Variants in ALK observed in about 807,000 individuals in gnomAD.
The protein encoded by ALK is ALK receptor tyrosine kinase, also known as ALK tyrosine kinase receptor.
ALK carries 74 observed loss-of-function variants against 163.1 expected under a neutral mutation model. The ratio of observed to expected loss-of-function variants is 0.45; its 90% CI spans 0.38 to 0.55. The LOEUF is 0.55. Among genes scored for constraint, ALK ranks in the 20% least tolerant of loss-of-function variants. The pLI is 0.00. For missense variants in ALK, 2,063 were observed against 2,105.3 expected, an observed-to-expected ratio of 0.98 and a Z score of 0.39; for synonymous variants, 960 against 843.2, an observed-to-expected ratio of 1.14 and a Z score of -2.40.
At chr2:29,407,879 TG>T (rs1669624758) in intron 4 of ALK, among the ~76,000 whole-genome samples, 1 of 152,162 alleles carries the variant, frequency 6.6e-6, no homozygotes, top group East Asian at 1.9e-4. Context: ...ACCTCATCTC[TG>T]GGTGAGTGTG....
At chr2:29,551,767 C>T (rs948741873) in intron 3 of ALK, among the ~76,000 whole-genome samples, 3 of 152,096 alleles carry the variant, frequency 2.0e-5, no homozygotes, top group Non-Finnish European at 4.4e-5. Flanking sequence ...AAATGGGTAA[C>T]TCTGGAGGTT....
Position 29,223,415 on chromosome 2 carries a change from A to G in ALK, c.3286T>C (p.Tyr1096His). The change falls in exon 20 of 29, where the codon TAC becomes CAC. Residue 1096 changes from tyrosine to histidine, a missense_variant. Tyr to His is a moderately conservative substitution (Grantham distance 83). Transcript: ENST00000389048. ...STIMTDYNPN[Y>H]CFAGKTSSIS... ...GAGGAGGTCTTGCCAGCAAAGCAGT[A>G]GTTGGGGTTGTAGTCGGTCATGATG... 1 of 1,614,156 alleles carries G rather than the reference A, an allele frequency of 6.2e-7. No homozygotes were observed. Among genetic ancestry groups the G allele is most frequent in the Non-Finnish European group, 8.5e-7 (1 of 1,180,034 alleles).
chr2:29,416,978 G>GTTT, intron 4 of ALK, among the ~76,000 whole-genome samples: 1 of 116,018 alleles, frequency 8.6e-6, no homozygotes, highest in Non-Finnish European at 1.8e-5. Flanking sequence ...GATGTTTGAT[G>GTTT]CTTTTTTTTT....
intron 3 of ALK, among the ~76,000 whole-genome samples, chr2:29,667,920 C>T (rs1677567818): frequency 1.3e-5 from 2 of 152,088 alleles, no homozygotes; most frequent in African/African-American, 2.4e-5. Flanking sequence ...TGGTCCTGGG[C>T]TTTTCTTTGA....
intron 12 of ALK, among the ~76,000 whole-genome samples, chr2:29,244,847 C>A (rs904780945): frequency 6.6e-6 from 1 of 152,264 alleles, no homozygotes; most frequent in Non-Finnish European, 1.5e-5. Context: ...TTGTCTAGAA[C>A]CTGACTGGCA....
In ALK at chr2:29,197,542, A is replaced by G. The variant is rs766432369; in HGVS notation, c.4073T>C (p.Val1358Ala). Reference sequence around the variant, plus strand: ...AGAAGTGTTCCTAAAAGAGTCATACACAGGCCCAGGGCAGTTCTTGGGTGG... The same window carrying G: ...AGAAGTGTTCCTAAAAGAGTCATACGCAGGCCCAGGGCAGTTCTTGGGTGG... ...MDPPKNCPGP[V>A]YRIMTQCWQH... The change falls in exon 27 of 29, where the codon GTA becomes GCA. Residue 1358 changes from valine to alanine, a missense_variant and splice_region_variant. Val to Ala is a moderately conservative substitution (Grantham distance 64). Coordinates refer to ENST00000389048, the MANE Select transcript of ALK (RefSeq NM_004304.5). The G allele has an allele frequency of 2.1e-5, 34 of 1,613,404 alleles. No homozygotes were observed. Among genetic ancestry groups the G allele is most frequent in the Non-Finnish European group, 2.5e-6 (3 of 1,180,044 alleles).
intron 4 of ALK, among the ~76,000 whole-genome samples, chr2:29,443,415 G>A (rs1573358607): frequency 6.6e-6 from 1 of 152,170 alleles, no homozygotes; most frequent in African/African-American, 2.4e-5. Flanking sequence ...TTCTGCTGCC[G>A]CCCAGGAGTG....
At chr2:29,740,457 G>A (rs1426936820) in intron 1 of ALK, among the ~76,000 whole-genome samples, 1 of 152,160 alleles carries the variant, frequency 6.6e-6, no homozygotes, top group Non-Finnish European at 1.5e-5. Context: ...CAGACAGACA[G>A]AAAAACATGG....
intron 4 of ALK, among the ~76,000 whole-genome samples, chr2:29,464,904 C>G (rs910130457): frequency 6.6e-6 from 1 of 151,974 alleles, no homozygotes; most frequent in Non-Finnish European, 1.5e-5. Context: ...AGAAACCATC[C>G]AAAATGAAGC....
intron 3 of ALK, among the ~76,000 whole-genome samples, chr2:29,660,563 A>G (rs921726757): frequency 6.6e-6 from 1 of 151,894 alleles, no homozygotes; most frequent in African/African-American, 2.4e-5. Context: ...GGGTGTGATG[A>G]GAAAGAAAAG....
At chr2:29,749,752 G>A (rs890492942) in intron 1 of ALK, among the ~76,000 whole-genome samples, 9 of 147,952 alleles carry the variant, frequency 6.1e-5, no homozygotes, top group Admixed American at 3.3e-4. Flanking sequence ...CAGTTTAGCC[G>A]AACAGCTTAT....
At position 29,538,791 on chromosome 2, in the gene ALK, A is replaced by G. The variant is rs1421806560; in HGVS notation, c.953-6675T>C. On this transcript the variant is annotated intron_variant, in intron 3 of 28. Coordinates refer to ENST00000389048, the MANE Select transcript of ALK (RefSeq NM_004304.5). ...TGCCTTCATAATTCTAAATATTATAATCATAGTTTTCCTTGCAGGTGTGAC... is the reference window on the plus strand; with the variant it reads ...TGCCTTCATAATTCTAAATATTATAGTCATAGTTTTCCTTGCAGGTGTGAC... Among the ~76,000 whole-genome samples, 19 of 152,184 alleles carry G rather than the reference A, an allele frequency of 1.2e-4. 1 individual carries two copies. The highest frequency in any genetic ancestry group is 2.9e-5 in the Non-Finnish European group (2 of 68,038).
chr2:29,212,107 G>T (rs1669481692), intron 24 of ALK, among the ~76,000 whole-genome samples: 1 of 152,260 alleles, frequency 6.6e-6, no homozygotes, highest in East Asian at 1.9e-4. Flanking sequence ...CGTGGGCAGA[G>T]ATAAAAAACA....
In ALK at chr2:29,919,980, G is replaced by A. The variant is rs762116831; in HGVS notation, c.667+13C>T. On this transcript the variant is annotated intron_variant, in intron 1 of 28. Transcript: ENST00000389048. Reference sequence around the variant, plus strand: ...ACACTAAATCCCGGCACACTCAGGCGGGAGCTGCTCACCAGTCCCGAAGAT... The same window carrying A: ...ACACTAAATCCCGGCACACTCAGGCAGGAGCTGCTCACCAGTCCCGAAGAT... The A allele has an allele frequency of 6.8e-6, 11 of 1,612,378 alleles. No homozygotes were observed. Among genetic ancestry groups the A allele is most frequent in the Admixed American group, 6.7e-5 (4 of 60,014 alleles).
At chr2:29,893,396 A>G (rs112035230) in intron 1 of ALK, among the ~76,000 whole-genome samples, 1,612 of 152,190 alleles carry the variant, frequency 0.011, 20 homozygotes, top group Non-Finnish European at 0.018. Context: ...CCAGCTCCCA[A>G]TTCATTCCAT....
At chr2:29,268,528 G>A (rs1665298136) in intron 11 of ALK, among the ~76,000 whole-genome samples, 2 of 152,156 alleles carry the variant, frequency 1.3e-5, no homozygotes, top group Admixed American at 1.3e-4. Flanking sequence ...CCTGCATAGG[G>A]TTTGGCACAG....
intron 3 of ALK, among the ~76,000 whole-genome samples, chr2:29,614,310 T>C (rs939188465): frequency 5.9e-5 from 9 of 152,180 alleles, no homozygotes; most frequent in Non-Finnish European, 1.3e-4. Flanking sequence ...CTCTCGAAAG[T>C]CCAGTTTGCT....
intron 4 of ALK, among the ~76,000 whole-genome samples, chr2:29,422,810 A>G (rs900550988): frequency 1.3e-5 from 2 of 152,020 alleles, no homozygotes; most frequent in Non-Finnish European, 2.9e-5. Flanking sequence ...CTTCCTACAG[A>G]TATTAGAAAT....
intron 1 of ALK, among the ~76,000 whole-genome samples, chr2:29,900,819 C>A (rs1401455432): frequency 6.6e-6 from 1 of 152,148 alleles, no homozygotes; most frequent in South Asian, 2.1e-4. Flanking sequence ...GCACATCCCA[C>A]TATGAGAGGT....
Sources: gnomAD v4.1 joint callset for allele counts (sites outside exome capture counted in the v4.1 genomes callset) on GRCh38, gnomAD v4.1.1 for gene constraint, MANE v1.5 for transcripts, NCBI Gene and HGNC (gene_info 2026-07-23, HGNC 2026-07-21) for gene names.